NRN1L: variants seen among roughly 807,000 people sequenced by gnomAD.
The protein encoded by NRN1L is neuritin 1 like.
Under a neutral mutation model 8.8 loss-of-function variants are expected in NRN1L, and 12 were observed. That is an observed-to-expected ratio of 1.36 (90% CI 0.87 to 2.20). NRN1L has a LOEUF of 2.20. Among genes scored for constraint, NRN1L ranks in the 30% most tolerant of loss-of-function variants. The probability of loss-of-function intolerance (pLI) is 0.00; values close to 1 mark genes in which losing one functional copy is unlikely to be tolerated. For synonymous variants in NRN1L, 114 were observed against 99.2 expected, an observed-to-expected ratio of 1.15 and a Z score of -0.88; for missense variants, 266 against 232.4, an observed-to-expected ratio of 1.14 and a Z score of -0.94.
In NRN1L at chr16:67,885,371, T is replaced by G. The variant is rs2058091413; in HGVS notation, c.80-351T>G. On this transcript the variant is annotated intron_variant, in intron 1 of 2. Transcript: ENST00000339176. ...AAAGCTTGTCTAAACCGCAGAGAGA[T>G]GCACCTGCTCCTGGTCCGGGGCCTC... is the stretch of plus-strand genomic sequence containing the variant. 29 of 467,164 alleles carry G rather than the reference T, an allele frequency of 6.2e-5. No homozygotes were observed. In the South Asian group the frequency reaches 7.2e-4, roughly 12 times the overall value. The allele number at this position is 467,164 out of a possible 1,614,324, so 28.9% of individuals were successfully genotyped here. A position where few individuals can be genotyped will look rare whatever the true frequency, so the allele number is the denominator to read the frequency against.
Position 67,885,965 on chromosome 16 carries a change from C to T in NRN1L, c.213-9C>T, listed in dbSNP as rs907740601. On this transcript the variant is annotated splice_polypyrimidine_tract_variant and intron_variant, in intron 2 of 2. Coordinates refer to ENST00000339176, the MANE Select transcript of NRN1L (RefSeq NM_198443.2). The stretch of plus-strand genomic sequence containing the variant: ...TCACCTAATCCCCCTAATCCCACTC[C>T]CTTAACAGGTCTTGGAATGACTTCC... 4.3e-6 allele frequency: 7 copies of T among 1,613,850 alleles called. No homozygotes were observed. Among genetic ancestry groups the T allele is most frequent in the Non-Finnish European group, 5.9e-6 (7 of 1,179,844 alleles).
chr16:67,885,760 AACC>A lies in NRN1L; in HGVS notation c.119_121del (p.Asn40del). On this transcript the variant is annotated inframe_deletion, in exon 2 of 3. Transcript: ENST00000339176. ...CCTGGCAGCAGCTGCAGCGGGCCCA[AACC>A]GATGTGACACCATATACCAGGGCTT... 1 of 1,603,428 alleles carries A rather than the reference AACC, an allele frequency of 6.2e-7. No homozygotes were observed. The highest frequency in any genetic ancestry group is 8.5e-7 in the Non-Finnish European group (1 of 1,174,868).
intron 1 of NRN1L, 107 bp downstream of exon 1, chr16:67,885,089 G>T: frequency 2.2e-6 from 2 of 891,910 alleles, no homozygotes; most frequent in Admixed American, 4.1e-5. Flanking sequence ...GAGAAGAGTT[G>T]TAAGGGCTCC....
chr16:67,885,090 T>G, intron 1 of NRN1L, 108 bp downstream of exon 1: 2 of 885,728 alleles, frequency 2.3e-6, no homozygotes, highest in Non-Finnish European at 3.6e-6. Flanking sequence ...AGAAGAGTTG[T>G]AAGGGCTCCA....
chr16:67,886,951 A>G (rs753509428), downstream of NRN1L, among the ~76,000 whole-genome samples: 7 of 152,244 alleles, frequency 4.6e-5, no homozygotes, highest in Non-Finnish European at 7.3e-5. Flanking sequence ...TGGAGTCACC[A>G]TAAGGGTTCC....
chr16:67,887,553 A>G (rs1349970661), downstream of NRN1L, among the ~76,000 whole-genome samples: 2 of 149,564 alleles, frequency 1.3e-5, no homozygotes, highest in Non-Finnish European at 3.0e-5. Context: ...TGCAGGTGTG[A>G]GCCACCATGT....
rs775650340 is a variant in NRN1L, at chr16:67,885,681, T to C, written c.80-41T>C. Reference sequence around the variant, plus strand: ...TGGGGGATGAGCCTGGCTCATCCTATCTACCATTCCTTCCCCACCCCACCC... The same window carrying C: ...TGGGGGATGAGCCTGGCTCATCCTACCTACCATTCCTTCCCCACCCCACCC... On this transcript the variant is annotated intron_variant, in intron 1 of 2. Coordinates refer to ENST00000339176, the MANE Select transcript of NRN1L (RefSeq NM_198443.2). The C allele has an allele frequency of 2.8e-6, 4 of 1,433,564 alleles. No individual in the cohort carries two copies. The South Asian group carries it at 5.5e-5, about 20-fold the overall frequency. 88.8% of individuals were successfully genotyped at this position (1,433,564 alleles called of 1,614,324 possible).
chr16:67,885,385 G>A, intron 1 of NRN1L: 2 of 459,396 alleles, frequency 4.4e-6, no homozygotes, highest in South Asian at 2.8e-5. Flanking sequence ...CCTGCTCCTG[G>A]TCCGGGGCCT....
Position 67,885,727 on chromosome 16 carries a change from T to C in NRN1L, c.85T>C (p.Leu29=). The C allele has an allele frequency of 6.8e-7, 1 of 1,466,042 alleles. No individual in the cohort carries two copies. Among genetic ancestry groups the C allele is most frequent in the South Asian group, 1.2e-5 (1 of 86,160 alleles). The allele number at this position is 1,466,042 out of a possible 1,614,324, so 90.8% of individuals were successfully genotyped here. ...RPLLLLPLVL[L]PPLAAAAAGP... ...CACCCCCGCCCCACTTCTAGTCCTT[T>C]TACCTCCCCTGGCAGCAGCTGCAGC... The change falls in exon 2 of 3, where the codon TTA becomes CTA. Residue 29 remains leucine (L), a synonymous_variant. Coordinates refer to ENST00000339176, the MANE Select transcript of NRN1L (RefSeq NM_198443.2).
rs755064826 is a variant in NRN1L, at chr16:67,886,141, G to A, written c.380G>A (p.Gly127Asp). ...APVHVRERGT[G>D]SETNQETLRA... is the part of the protein sequence containing the mutation. The stretch of plus-strand genomic sequence containing the variant: ...GTGCATGTTCGGGAGCGCGGCACAG[G>A]CTCCGAAACCAACCAGGAGACGCTG... Residue 127 changes from glycine to aspartate, a missense_variant, in exon 3 of 3, where the codon GGC (glycine) becomes GAC (aspartate). Physicochemically the swap from Gly to Asp is moderately conservative, Grantham distance 94. Coordinates refer to ENST00000339176, the MANE Select transcript of NRN1L (RefSeq NM_198443.2). 6.2e-7 allele frequency: 1 copy of A among 1,611,532 alleles called. No homozygotes were observed. Among genetic ancestry groups the A allele is most frequent in the East Asian group, 2.2e-5 (1 of 44,854 alleles).
chr16:67,884,890 G>C lies in NRN1L; in HGVS notation c.-14G>C, dbSNP rs1222299975. 1.9e-6 allele frequency: 3 copies of C among 1,602,838 alleles called. No homozygotes were observed. In the Admixed American group the frequency reaches 5.0e-5, roughly 27 times the overall value. On this transcript the variant is annotated 5_prime_UTR_variant, in exon 1 of 3. Coordinates refer to ENST00000339176, the MANE Select transcript of NRN1L (RefSeq NM_198443.2). The surrounding 1 kb of genome is among the most constrained non-coding windows in gnomAD (Gnocchi z 4.1). ...TCCAAGCAGCTAGCTCCTGCACTAG[G>C]CTCTCAGCCAGGGATGATGCGCTGC...
downstream of NRN1L, among the ~76,000 whole-genome samples, chr16:67,887,248 C>G (rs1477605321): frequency 6.6e-6 from 1 of 152,006 alleles, no homozygotes; most frequent in Non-Finnish European, 1.5e-5. Context: ...CTGCCATAGT[C>G]TCCTCATTGA....
intron 1 of NRN1L, 74 bp downstream of exon 1, chr16:67,885,056 T>C: frequency 8.1e-7 from 1 of 1,233,886 alleles, no homozygotes; most frequent in East Asian, 2.3e-5. Context: ...ATAGGGTGTG[T>C]GGGAACGCTG....
chr16:67,886,374 C>T (rs1029515172), downstream of NRN1L: 3 of 969,964 alleles, frequency 3.1e-6, no homozygotes, highest in African/African-American at 3.3e-5. Flanking sequence ...TTGTAGTAAG[C>T]TCCTTCCTTT....
chr16:67,884,952 GCCC>G lies in NRN1L; in HGVS notation c.50_52del (p.Ala17_Leu18delinsVal). On this transcript the variant is annotated inframe_deletion, in exon 1 of 3. Coordinates refer to ENST00000339176, the MANE Select transcript of NRN1L (RefSeq NM_198443.2). The surrounding 1 kb of genome is among the most constrained non-coding windows in gnomAD (Gnocchi z 4.1). ...CTGCTGCTGCCGGCAACCACCCCAT[GCCC>G]TGAGGCCGTTGCTGTTGCTGCCCCT... is the stretch of plus-strand genomic sequence containing the variant. 6.2e-7 allele frequency: 1 copy of G among 1,608,214 alleles called. No homozygotes were observed. Among genetic ancestry groups the G allele is most frequent in the Non-Finnish European group, 8.5e-7 (1 of 1,179,760 alleles).
At chr16:67,885,172 C>G in intron 1 of NRN1L, 190 bp downstream of exon 1, 1 of 604,156 alleles carries the variant, frequency 1.7e-6, no homozygotes, top group Non-Finnish European at 2.9e-6. Flanking sequence ...AGAAGGACTC[C>G]AAAATTTGCA....
chr16:67,888,108 A>G (rs2058101984), downstream of NRN1L, among the ~76,000 whole-genome samples: 1 of 152,234 alleles, frequency 6.6e-6, no homozygotes, highest in Non-Finnish European at 1.5e-5. Flanking sequence ...AAGGGCAGGA[A>G]GTCCTTTTTG....
Position 67,885,702 on chromosome 16 carries a change from C to A in NRN1L, c.80-20C>A. 1.7e-6 allele frequency: 2 copies of A among 1,199,904 alleles called. No homozygotes were observed. Among genetic ancestry groups the A allele is most frequent in the Non-Finnish European group, 2.4e-6 (2 of 845,958 alleles). 74.3% of individuals were successfully genotyped at this position (1,199,904 alleles called of 1,614,324 possible). On this transcript the variant is annotated intron_variant, in intron 1 of 2. Transcript: ENST00000339176. ...CCTATCTACCATTCCTTCCCCACCC[C>A]ACCCCCGCCCCACTTCTAGTCCTTT...
At chr16:67,885,367 G>C in intron 1 of NRN1L, 1 of 472,266 alleles carries the variant, frequency 2.1e-6, no homozygotes, top group Non-Finnish European at 3.8e-6. Context: ...AAACCGCAGA[G>C]AGATGCACCT....
Sources: allele counts gnomAD v4.1 joint callset (sites outside exome capture counted in the v4.1 genomes callset), GRCh38; gene constraint gnomAD v4.1.1; non-coding constraint Gnocchi (gnomAD v3.1); transcripts MANE v1.5; gene names NCBI Gene and HGNC (gene_info 2026-07-23, HGNC 2026-07-21).